Variants in GON4L observed in about 807,000 individuals in gnomAD.
GON4L encodes gon-4 like, also known as GON-4-like protein.
In GON4L, 87 loss-of-function variants were observed where a neutral mutation model predicts 211.8. The observed-to-expected ratio is 0.41, with a 90% CI of 0.35 to 0.49. The LOEUF (loss-of-function observed/expected upper bound fraction) is 0.49. Ranked by LOEUF, GON4L falls within the 20% of genes least tolerant of loss-of-function variation. The pLI, the probability that GON4L is intolerant of heterozygous loss-of-function variation, is 0.15. For missense variants in GON4L, 2,155 were observed against 2,659.5 expected (o/e 0.81, Z 4.17); for synonymous variants, 875 against 962.6 (o/e 0.91, Z 1.68).
chr1:155,843,360 T>A (rs1327757751), intron 2 of GON4L, among the ~76,000 whole-genome samples: 1 of 152,100 alleles, frequency 6.6e-6, no homozygotes, highest in African/African-American at 2.4e-5. Context: ...CCTGCAAACC[T>A]CACAGCCATC....
rs1259193607 is a variant in GON4L, at chr1:155,822,313, T to A, written c.861A>T (p.Thr287=). The change falls in exon 4 of 32, where the codon ACA becomes ACT. Residue 287 remains threonine (T), a synonymous_variant. Coordinates refer to ENST00000368331, the MANE Select transcript of GON4L (RefSeq NM_001282860.2). ...LEDGAKQHNL[T]AVNVRNILHE... ...GAAGGATGTTTCGGACATTGACTGCTGTTAGATTGTGCTGCTTGGCACCAT... is the reference window on the plus strand; with the variant it reads ...GAAGGATGTTTCGGACATTGACTGCAGTTAGATTGTGCTGCTTGGCACCAT... 6.2e-7 allele frequency: 1 copy of A among 1,614,130 alleles called. No individual in the cohort carries two copies. Among genetic ancestry groups the A allele is most frequent in the East Asian group, 2.2e-5 (1 of 44,890 alleles).
intron 11 of GON4L, among the ~76,000 whole-genome samples, chr1:155,804,039 AAC>A (rs775031243): frequency 6.6e-6 from 1 of 152,200 alleles, no homozygotes; most frequent in South Asian, 2.1e-4. Context: ...ACCCTTAACT[AAC>A]ACAGTGTTCT....
downstream of GON4L, chr1:155,746,602 C>T: frequency 1.9e-6 from 1 of 527,108 alleles, no homozygotes; most frequent in Middle Eastern, 4.5e-4. Context: ...AACATTGTCT[C>T]TGTTATTTCT....
At chr1:155,845,841 C>G in intron 2 of GON4L, 1 of 250,964 alleles carries the variant, frequency 4.0e-6, no homozygotes, top group South Asian at 5.7e-5. Flanking sequence ...GAGCATGTGA[C>G]CAGTGAAACT....
At chr1:155,852,737 C>T (rs531961540) in intron 2 of GON4L, among the ~76,000 whole-genome samples, 58 of 152,006 alleles carry the variant, frequency 3.8e-4, no homozygotes, top group Non-Finnish European at 6.8e-4. Context: ...AGCGAGACTC[C>T]GTCTCAAAAA....
chr1:155,745,754 G>A, downstream of GON4L: 3 of 983,236 alleles, frequency 3.1e-6, no homozygotes, highest in Non-Finnish European at 3.0e-6. Context: ...ACCCGCCCAC[G>A]CGCCTGCCAA....
chr1:155,815,417 T>C (rs1245217671), intron 8 of GON4L, among the ~76,000 whole-genome samples: 1 of 152,062 alleles, frequency 6.6e-6, no homozygotes, highest in Non-Finnish European at 1.5e-5. Flanking sequence ...ATTGAGGTGA[T>C]ACAACTATAA....
intron 16 of GON4L, among the ~76,000 whole-genome samples, chr1:155,775,517 C>T (rs1468886948): frequency 6.6e-6 from 1 of 150,694 alleles, no homozygotes; most frequent in Non-Finnish European, 1.5e-5. Context: ...CGTAGTGGTG[C>T]GATCTTGACT....
At chr1:155,774,964 G>GC (rs1453288733) in intron 17 of GON4L, 38 bp downstream of exon 17, 1 of 1,600,692 alleles carries the variant, frequency 6.2e-7, no homozygotes, top group Non-Finnish European at 8.6e-7. Flanking sequence ...ACCTCTCACC[G>GC]CAAGTAAAAA....
upstream of GON4L, among the ~76,000 whole-genome samples, chr1:155,858,700 CA>C (rs1387122902): frequency 2.0e-4 from 22 of 111,796 alleles, no homozygotes; most frequent in African/African-American, 6.1e-4. Flanking sequence ...CGTGTACAAC[CA>C]AATTTTTTTT....
chr1:155,790,910 C>T (rs1316774724), intron 12 of GON4L, among the ~76,000 whole-genome samples: 1 of 151,342 alleles, frequency 6.6e-6, no homozygotes, highest in Non-Finnish European at 1.5e-5. Flanking sequence ...CGCCACGGCA[C>T]TCCAGCCTGG....
At chr1:155,811,264 C>T (rs1040690405) in intron 10 of GON4L, among the ~76,000 whole-genome samples, 2 of 149,360 alleles carry the variant, frequency 1.3e-5, no homozygotes, top group African/African-American at 2.5e-5. Context: ...ATGGTGCGGG[C>T]GCCTGTAGTC....
In GON4L at chr1:155,813,824, G is replaced by A. The variant is rs778024818; in HGVS notation, c.1282-20C>T. 6.2e-7 allele frequency: 1 copy of A among 1,608,502 alleles called. No individual in the cohort carries two copies. The highest frequency in any genetic ancestry group is 1.1e-5 in the South Asian group (1 of 90,892). ...CTCAGCCTGATTAAAAGAGGTGACT[G>A]CATCAAAAAAGGAAGGAGGTAAGAA... On this transcript the variant is annotated intron_variant, in intron 9 of 31. Coordinates refer to ENST00000368331, the MANE Select transcript of GON4L (RefSeq NM_001282860.2).
At chr1:155,776,541 A>C in intron 15 of GON4L, 60 bp from the exon 16 acceptor site, 2 of 1,207,886 alleles carry the variant, frequency 1.7e-6, no homozygotes, top group Non-Finnish European at 2.4e-6. Flanking sequence ...TCAGGAATCC[A>C]GAGAGATCTT....
At chr1:155,856,221 T>G (rs745619015) in intron 1 of GON4L, among the ~76,000 whole-genome samples, 6 of 150,814 alleles carry the variant, frequency 4.0e-5, no homozygotes, top group African/African-American at 9.7e-5. Flanking sequence ...TTTTCTTTCT[T>G]TCTCTCTCTC....
intron 12 of GON4L, among the ~76,000 whole-genome samples, chr1:155,787,558 C>T (rs138123986): frequency 2.3e-4 from 35 of 152,198 alleles, no homozygotes; most frequent in African/African-American, 7.2e-4. Context: ...AGATCATCTG[C>T]GGTCAGGAGT....
At chr1:155,754,644 C>T (rs1660983460) in intron 27 of GON4L, among the ~76,000 whole-genome samples, 156 bp from the exon 28 acceptor site, 1 of 151,318 alleles carries the variant, frequency 6.6e-6, no homozygotes, top group Non-Finnish European at 1.5e-5. Flanking sequence ...ATTCTCCTGC[C>T]TCAGGCTCCT....
intron 2 of GON4L, among the ~76,000 whole-genome samples, chr1:155,836,153 G>A (rs1263790113): frequency 6.6e-6 from 1 of 152,068 alleles, no homozygotes; most frequent in Non-Finnish European, 1.5e-5. Flanking sequence ...GCTGAGGCAT[G>A]AGAATTGCTT....
chr1:155,823,534 C>T lies in GON4L; in HGVS notation c.698-1058G>A, dbSNP rs546093327. On this transcript the variant is annotated intron_variant, in intron 3 of 31. Coordinates refer to ENST00000368331, the MANE Select transcript of GON4L (RefSeq NM_001282860.2). ...AGATGTCGACTACCACTACTACTTA[C>T]AACCTACATAGCAATGAAGGTCTAG... Among the ~76,000 whole-genome samples the T allele has an allele frequency of 6.0e-4, 91 of 152,252 alleles. 1 individual carries two copies. The highest frequency in any genetic ancestry group is 2.1e-3 in the African/African-American group (88 of 41,552).
Sources: allele counts gnomAD v4.1 joint callset (sites outside exome capture counted in the v4.1 genomes callset), GRCh38; gene constraint gnomAD v4.1.1; transcripts MANE v1.5; gene names NCBI Gene and HGNC (gene_info 2026-07-23, HGNC 2026-07-21).